Variants in TNRC6C observed in about 807,000 individuals in gnomAD.
TNRC6C encodes trinucleotide repeat containing adaptor 6C, also known as trinucleotide repeat-containing gene 6C protein.
A neutral mutation model predicts 153.7 loss-of-function variants in TNRC6C; 20 were observed. That is an observed-to-expected ratio of 0.13 (90% confidence interval 0.09 to 0.19). The LOEUF is 0.19. Ranked by LOEUF, TNRC6C falls within the 10% of genes least tolerant of loss-of-function variation. TNRC6C has a pLI of 1.00. For missense variants in TNRC6C, 1,987 were observed against 2,172.0 expected (o/e 0.91, Z 1.69); for synonymous variants, 811 against 841.4 (o/e 0.96, Z 0.63).
chr17:78,002,592 C>G (rs1226404936), upstream of TNRC6C, among the ~76,000 whole-genome samples: 4 of 152,158 alleles, frequency 2.6e-5, no homozygotes, highest in Non-Finnish European at 5.9e-5. Flanking sequence ...TCCCAGAGCA[C>G]TTATAAAGCT....
At chr17:78,092,695 C>CTACACTCCA (rs1456037648) in intron 14 of TNRC6C, among the ~76,000 whole-genome samples, 1 of 152,086 alleles carries the variant, frequency 6.6e-6, no homozygotes, top group Non-Finnish European at 1.5e-5. Context: ...GATCACATCA[C>CTACACTCCA]TACACTCCAG....
intron 3 of TNRC6C, among the ~76,000 whole-genome samples, chr17:78,059,786 G>T (rs2072729522): frequency 6.6e-6 from 1 of 151,048 alleles, no homozygotes; most frequent in Non-Finnish European, 1.5e-5. Flanking sequence ...GGAGGTGAAG[G>T]CTGCAGTGAG....
intron 11 of TNRC6C, among the ~76,000 whole-genome samples, chr17:78,084,054 C>T (rs1353656005): frequency 1.3e-5 from 2 of 152,010 alleles, no homozygotes; most frequent in Non-Finnish European, 2.9e-5. Flanking sequence ...GAGGCCCAGG[C>T]GGGTGGATCA....
At chr17:78,018,562 G>C (rs1030108913) in intron 1 of TNRC6C, among the ~76,000 whole-genome samples, 4 of 152,200 alleles carry the variant, frequency 2.6e-5, no homozygotes, top group African/African-American at 4.8e-5. Context: ...GCAAATGGTA[G>C]GCAGATTGCA....
chr17:77,959,870 G>C (rs747961138), intron 1 of TNRC6C, among the ~76,000 whole-genome samples: 2 of 152,168 alleles, frequency 1.3e-5, no homozygotes, highest in African/African-American at 4.8e-5. Context: ...TGCTTTAAGC[G>C]GTGCCTCCTT....
chr17:78,098,316 A>G (rs928392415), intron 16 of TNRC6C, 27 bp from the exon 20 acceptor site: 13 of 1,581,120 alleles, frequency 8.2e-6, no homozygotes, highest in Non-Finnish European at 1.1e-5. Flanking sequence ...TCAAGACTGC[A>G]TATGCTCCAT....
intron 1 of TNRC6C, chr17:78,008,806 G>A (rs1002090565): frequency 7.9e-5 from 12 of 152,090 alleles, no homozygotes; most frequent in African/African-American, 2.7e-4. Flanking sequence ...AAGTTCACTC[G>A]AAATTCCTCT....
intron 1 of TNRC6C, among the ~76,000 whole-genome samples, chr17:77,988,109 T>C (rs1240518560): frequency 1.3e-5 from 2 of 151,908 alleles, no homozygotes; most frequent in Admixed American, 6.6e-5. Flanking sequence ...TCCAGCACTT[T>C]GGGAGGCCAA....
chr17:78,058,831 G>T (rs146600312), intron 3 of TNRC6C, among the ~76,000 whole-genome samples: 1 of 152,198 alleles, frequency 6.6e-6, no homozygotes, highest in East Asian at 1.9e-4. Flanking sequence ...CTAGCCAGAG[G>T]CACACTTTAC....
intron 5 of TNRC6C, among the ~76,000 whole-genome samples, chr17:78,068,768 C>G (rs573510336): frequency 6.6e-6 from 1 of 152,268 alleles, no homozygotes; most frequent in South Asian, 2.1e-4. Context: ...TCACTGCACT[C>G]CAGCCTGGGC....
intron 6 of TNRC6C, 53 bp from the exon 9 acceptor site, chr17:78,072,984 C>G (rs2073024327): frequency 7.4e-7 from 1 of 1,349,000 alleles, no homozygotes; most frequent in Non-Finnish European, 1.0e-6. Context: ...TGTTTGTAAC[C>G]TTTCCTTTTG....
chr17:78,055,173 C>G (rs1483657223), intron 3 of TNRC6C, among the ~76,000 whole-genome samples: 2 of 152,246 alleles, frequency 1.3e-5, no homozygotes, highest in East Asian at 3.8e-4. Flanking sequence ...ACACATTGTA[C>G]AGCTTCACAA....
chr17:78,040,113 A>G (rs2072263130), intron 2 of TNRC6C, among the ~76,000 whole-genome samples: 1 of 152,224 alleles, frequency 6.6e-6, no homozygotes, highest in African/African-American at 2.4e-5. Context: ...ATAAAATAAT[A>G]CAGGGGAAAC....
At chr17:77,964,244 C>T (rs932457994) in intron 1 of TNRC6C, among the ~76,000 whole-genome samples, 1 of 152,324 alleles carries the variant, frequency 6.6e-6, no homozygotes, top group Middle Eastern at 3.4e-3. Context: ...TGTTTTTCTT[C>T]TTCAGACCAT....
intron 19 of TNRC6C, 145 bp downstream of exon 22, chr17:78,103,698 C>CT: frequency 8.2e-7 from 1 of 1,217,872 alleles, no homozygotes; most frequent in South Asian, 1.5e-5. Context: ...GGCTGGAAGT[C>CT]TGATACCCAA....
chr17:78,004,332 A>AGC, upstream of TNRC6C: 1 of 1,231,314 alleles, frequency 8.1e-7, no homozygotes, highest in Middle Eastern at 3.1e-4. Flanking sequence ...GCATCATCAT[A>AGC]GCCATTATAT....
intron 3 of TNRC6C, among the ~76,000 whole-genome samples, chr17:78,060,146 G>C (rs907607883): frequency 1.3e-5 from 2 of 152,130 alleles, no homozygotes; most frequent in African/African-American, 4.8e-5. Flanking sequence ...CACCACAAAG[G>C]CTTTCAGAAA....
At chr17:78,072,185 C>T (rs111722503) in intron 6 of TNRC6C, among the ~76,000 whole-genome samples, 18 of 152,364 alleles carry the variant, frequency 1.2e-4, no homozygotes, top group African/African-American at 4.3e-4. Flanking sequence ...GGCCCAGGCT[C>T]TGCCTGTGTG....
rs942303072 is a variant in TNRC6C at position 78,064,709 on chromosome 17, G to T, written c.2396-13G>T. Reference sequence around the variant, plus strand: ...CTTTCATTATTTTCTCTACCCCTTGGAACCTTTTTCAGTTTCATCAGGCTG... The same window carrying T: ...CTTTCATTATTTTCTCTACCCCTTGTAACCTTTTTCAGTTTCATCAGGCTG... On this transcript the variant is annotated splice_polypyrimidine_tract_variant and intron_variant, in intron 3 of 19. Transcript: ENST00000301624. 21 of 1,611,886 alleles carry T rather than the reference G, an allele frequency of 1.3e-5. No homozygotes were observed. The African/African-American group carries it at 2.7e-4, about 21-fold the overall frequency.
Sources: allele counts gnomAD v4.1 joint callset (sites outside exome capture counted in the v4.1 genomes callset), GRCh38; gene constraint gnomAD v4.1.1; transcripts MANE v1.5; gene names NCBI Gene and HGNC (gene_info 2026-07-23, HGNC 2026-07-21).